Variants in WDFY3 observed in about 807,000 individuals in gnomAD.
WDFY3 encodes the protein WD repeat and FYVE domain containing 3.
Under a neutral mutation model 409.6 loss-of-function variants are expected in WDFY3, and 66 were observed. The observed-to-expected ratio is 0.16, with a 90% CI of 0.13 to 0.20. WDFY3 has a LOEUF of 0.20. Ranked by LOEUF, WDFY3 falls within the 10% of genes least tolerant of loss-of-function variation. The pLI, the probability that WDFY3 is intolerant of heterozygous loss-of-function variation, is 1.00. For synonymous variants in WDFY3, 1,521 were observed against 1,537.1 expected, an observed-to-expected ratio of 0.99 and a Z score of 0.25; for missense variants, 3,031 against 4,298.1, an observed-to-expected ratio of 0.71 and a Z score of 8.24.
chr4:84,803,403 G>C lies in WDFY3; in HGVS notation c.2494C>G (p.Leu832Val). Residue 832 changes from leucine to valine, a missense_variant, in exon 16 of 68, where the codon CTA (leucine) becomes GTA (valine). This residue lies in a region of WDFY3 where 1,322 missense variants were observed against 1,697.9 expected (regional missense o/e 0.78). Transcript: ENST00000295888. ...YPPKNVADLKLHVTTSSLQSS... is the reference protein window; with the variant it reads ...YPPKNVADLKVHVTTSSLQSS... ...TGCAGAGATGAAGTTGTCACATGTA[G>C]TTTCAGGTCGGCAACATTTTTAGGA... 6.2e-7 allele frequency: 1 copy of C among 1,614,106 alleles called. No individual in the cohort carries two copies. Among genetic ancestry groups the C allele is most frequent in the Admixed American group, 1.7e-5 (1 of 60,004 alleles).
intron 13 of WDFY3, among the ~76,000 whole-genome samples, chr4:84,814,545 C>T (rs1560828993): frequency 6.6e-6 from 1 of 152,118 alleles, no homozygotes; most frequent in Non-Finnish European, 1.5e-5. Flanking sequence ...CACTGCCCCA[C>T]ACCACTGTGA....
intron 24 of WDFY3, among the ~76,000 whole-genome samples, chr4:84,785,673 T>C (rs566649861): frequency 6.6e-5 from 10 of 152,326 alleles, no homozygotes; most frequent in South Asian, 2.1e-4. Flanking sequence ...CGTTAAAAAG[T>C]TGAGTTGTAG....
At chr4:84,837,813 T>C (rs1161144988) in intron 6 of WDFY3, among the ~76,000 whole-genome samples, 1 of 152,196 alleles carries the variant, frequency 6.6e-6, no homozygotes, top group East Asian at 1.9e-4. Context: ...GTTGATTAGT[T>C]AGTTTACTTT....
intron 55 of WDFY3, 36 bp downstream of exon 55, chr4:84,704,302 G>C (rs1731563083): frequency 2.1e-6 from 3 of 1,444,212 alleles, no homozygotes; most frequent in African/African-American, 2.9e-5. Flanking sequence ...AAGTAGGCTT[G>C]TATAAAATAG....
chr4:84,822,389 A>C (rs1754201479), intron 10 of WDFY3, among the ~76,000 whole-genome samples: 1 of 152,154 alleles, frequency 6.6e-6, no homozygotes, highest in Non-Finnish European at 1.5e-5. Context: ...AGAACTACCA[A>C]AATTAGTAAA....
chr4:84,865,464 C>G (rs1345496659), intron 3 of WDFY3, among the ~76,000 whole-genome samples: 1 of 151,760 alleles, frequency 6.6e-6, no homozygotes, highest in Non-Finnish European at 1.5e-5. Flanking sequence ...CCAGAATTCC[C>G]ATCCTAATAT....
chr4:84,917,093 G>A (rs1430859349), intron 2 of WDFY3, among the ~76,000 whole-genome samples: 4 of 152,086 alleles, frequency 2.6e-5, no homozygotes, highest in East Asian at 1.9e-4. Context: ...GTGTGTGTGC[G>A]TTTAAGTGGA....
chr4:84,786,492 T>C (rs1395097066), intron 23 of WDFY3, among the ~76,000 whole-genome samples: 1 of 152,180 alleles, frequency 6.6e-6, no homozygotes, highest in Non-Finnish European at 1.5e-5. Context: ...TGATCAGCCA[T>C]GTAGCACTAT....
intron 1 of WDFY3, among the ~76,000 whole-genome samples, chr4:84,937,009 A>G (rs1211161552): frequency 6.6e-6 from 1 of 152,156 alleles, no homozygotes; most frequent in Non-Finnish European, 1.5e-5. Flanking sequence ...TCATTAGAAA[A>G]CAAACAACAA....
chr4:84,744,079 A>C (rs1278516028), intron 36 of WDFY3, among the ~76,000 whole-genome samples: 1 of 148,054 alleles, frequency 6.8e-6, no homozygotes, highest in East Asian at 1.9e-4. Flanking sequence ...TTATATTGTT[A>C]TAGTTTATAT....
chr4:84,852,914 C>A (rs578113528), intron 4 of WDFY3, among the ~76,000 whole-genome samples: 5 of 152,058 alleles, frequency 3.3e-5, no homozygotes, highest in South Asian at 2.1e-4. Context: ...CCTGCCACCA[C>A]ACTCAGCTGA....
intron 32 of WDFY3, among the ~76,000 whole-genome samples, chr4:84,761,628 A>C (rs1029145769): frequency 5.9e-5 from 9 of 152,324 alleles, no homozygotes; most frequent in South Asian, 4.1e-4. Flanking sequence ...TAATTAAACT[A>C]AAGAGCTTCT....
intron 2 of WDFY3, among the ~76,000 whole-genome samples, chr4:84,913,372 ATGT>A (rs1286331732): frequency 2.0e-5 from 3 of 152,206 alleles, no homozygotes; most frequent in African/African-American, 7.2e-5. Flanking sequence ...ATGTTCCCAG[ATGT>A]TGTGCACGAT....
chr4:84,955,719 G>C (rs892834379), intron 1 of WDFY3, among the ~76,000 whole-genome samples: 2 of 152,086 alleles, frequency 1.3e-5, no homozygotes, highest in Non-Finnish European at 2.9e-5. Context: ...ATAAGGTAAT[G>C]CATATTTAAT....
At chr4:84,801,421 C>T (rs945432941) in intron 17 of WDFY3, among the ~76,000 whole-genome samples, 2 of 152,092 alleles carry the variant, frequency 1.3e-5, no homozygotes, top group Admixed American at 6.5e-5. Flanking sequence ...TGAGAGCTTG[C>T]TAGATTCAAA....
chr4:84,748,782 C>T (rs1436519839), intron 36 of WDFY3, among the ~76,000 whole-genome samples: 1 of 152,154 alleles, frequency 6.6e-6, no homozygotes, highest in Non-Finnish European at 1.5e-5. Flanking sequence ...AATTCTAACA[C>T]TCATAGGACT....
intron 3 of WDFY3, 30 bp from the exon 4 acceptor site, chr4:84,860,652 C>T (rs745471779): frequency 1.1e-4 from 165 of 1,479,598 alleles, no homozygotes; most frequent in Non-Finnish European, 1.4e-4. Context: ...CATGAACAGT[C>T]AAAACATCAT....
rs770697808 is a variant in WDFY3, at chr4:84,678,957, T to C, written c.10109A>G (p.Asn3370Ser). ...GCTGTAATTCCGCACCTCAATGGGA[T>C]TGGGGTGGGGGTGGCTAAGGGGGCC... The part of the protein sequence containing the change: ...LQGPLSHPHP[N>S]PIEVRNYSRL... The change falls in exon 65 of 68, where the codon AAT becomes AGT. Residue 3370 changes from asparagine (N) to serine (S), a missense_variant. Transcript: ENST00000295888. The C allele has an allele frequency of 8.7e-6, 14 of 1,613,638 alleles. No individual in the cohort carries two copies. The highest frequency in any genetic ancestry group is 6.7e-5 in the Admixed American group (4 of 59,916).
intron 1 of WDFY3, among the ~76,000 whole-genome samples, chr4:84,942,031 TA>T (rs1181485425): frequency 2.0e-5 from 3 of 152,024 alleles, no homozygotes; most frequent in Non-Finnish European, 4.4e-5. Flanking sequence ...CATCACACAC[TA>T]TATACAAAAT....
Sources: allele counts gnomAD v4.1 joint callset (sites outside exome capture counted in the v4.1 genomes callset), GRCh38; gene constraint gnomAD v4.1.1; regional missense constraint gnomAD v4.1.1; transcripts MANE v1.5; gene names NCBI Gene and HGNC (gene_info 2026-07-23, HGNC 2026-07-21).